The following CFHR5 variants were observed in gnomAD, a reference collection of about 807,000 sequenced individuals.
The protein encoded by CFHR5 is complement factor H related 5.
A neutral mutation model predicts 62.9 loss-of-function variants in CFHR5; 73 were observed. The observed-to-expected ratio is 1.16, with a 90% CI of 0.96 to 1.41. CFHR5 has a LOEUF of 1.41. Among genes scored for constraint, CFHR5 ranks in the 40% most tolerant of loss-of-function variants. The probability of loss-of-function intolerance (pLI) is 0.00; values close to 1 mark genes in which losing one functional copy is unlikely to be tolerated. For synonymous variants in CFHR5, 249 were observed against 227.2 expected, an observed-to-expected ratio of 1.10 and a Z score of -0.86; for missense variants, 779 against 679.9, an observed-to-expected ratio of 1.15 and a Z score of -1.62.
intron 1 of CFHR5, among the ~76,000 whole-genome samples, chr1:196,980,222 C>T (rs1014153337): frequency 9.9e-5 from 15 of 151,960 alleles, no homozygotes; most frequent in African/African-American, 3.4e-4. Context: ...CTGAAGGACC[C>T]GCCTGAGGAT....
At chr1:196,999,740 T>C (rs12736097) in intron 7 of CFHR5, among the ~76,000 whole-genome samples, 80 of 80,014 alleles carry the variant, frequency 1.0e-3, no homozygotes, top group South Asian at 1.8e-3. Flanking sequence ...CACACATATA[T>C]ATACACACAC....
intron 7 of CFHR5, among the ~76,000 whole-genome samples, chr1:197,002,163 G>GA (rs757582519): frequency 6.6e-6 from 1 of 151,660 alleles, no homozygotes; most frequent in Non-Finnish European, 1.5e-5. Context: ...GGGTTAGTTA[G>GA]AAAAAAATTA....
chr1:197,009,066 C>A lies in CFHR5; in HGVS notation c.*383C>A, dbSNP rs1259152266. The A allele has an allele frequency of 5.6e-5, 8 of 141,848 alleles. No individual in the cohort carries two copies. Among genetic ancestry groups the A allele is most frequent in the East Asian group, 1.9e-4 (1 of 5,232 alleles). 8.8% of individuals were successfully genotyped at this position (141,848 alleles called of 1,614,324 possible). On this transcript the variant is annotated 3_prime_UTR_variant, in exon 10 of 10. Transcript: ENST00000256785. Reference sequence around the variant, plus strand: ...CAACATGGTGGAAGGGATCACGTGGCAAAAGAGCATGTACATGGGAGTGAG... The same window carrying A: ...CAACATGGTGGAAGGGATCACGTGGAAAAAGAGCATGTACATGGGAGTGAG...
chr1:196,986,439 A>T (rs1368512569), intron 3 of CFHR5, among the ~76,000 whole-genome samples: 1 of 152,082 alleles, frequency 6.6e-6, no homozygotes, highest in East Asian at 1.9e-4. Flanking sequence ...TTACATAGGT[A>T]TACATGTGTC....
At chr1:197,008,006 A>C (rs1200654063) in intron 9 of CFHR5, among the ~76,000 whole-genome samples, 1 of 147,820 alleles carries the variant, frequency 6.8e-6, no homozygotes, top group East Asian at 1.9e-4. Flanking sequence ...GATATATATA[A>C]ATATATATAT....
chr1:196,988,820 C>T (rs997710740), intron 3 of CFHR5, among the ~76,000 whole-genome samples: 2 of 151,950 alleles, frequency 1.3e-5, no homozygotes, highest in African/African-American at 4.8e-5. Context: ...GGATATGGGT[C>T]TAAAATTCTC....
At chr1:197,002,407 C>G (rs1326753148) in intron 7 of CFHR5, 75 bp from the exon 8 acceptor site, 1 of 1,069,104 alleles carries the variant, frequency 9.4e-7, no homozygotes, top group Non-Finnish European at 1.4e-6. Flanking sequence ...CTTCCATTTT[C>G]CTGAAACACT....
rs1654362217 is a variant in CFHR5, at chr1:197,008,772, T to C, written c.*89T>C. ...GTAGCCAATTCTGTAGTTACTTCTT[T>C]TATTCTTTCAGGTGTTGTTTAACTC... On this transcript the variant is annotated 3_prime_UTR_variant, in exon 10 of 10. Coordinates refer to ENST00000256785, the MANE Select transcript of CFHR5 (RefSeq NM_030787.4). 1 of 1,079,020 alleles carries C rather than the reference T, an allele frequency of 9.3e-7. No individual in the cohort carries two copies. The highest frequency in any genetic ancestry group is 1.6e-5 in the African/African-American group (1 of 63,970). 66.8% of individuals were successfully genotyped at this position (1,079,020 alleles called of 1,614,324 possible). A position where few individuals can be genotyped will look rare whatever the true frequency, so the allele number is the denominator to read the frequency against.
At chr1:196,985,980 G>A (rs1448088962) in intron 3 of CFHR5, among the ~76,000 whole-genome samples, 2 of 152,128 alleles carry the variant, frequency 1.3e-5, no homozygotes, top group African/African-American at 4.8e-5. Flanking sequence ...CAAGTTCTCA[G>A]AATATTGCTG....
intron 3 of CFHR5, among the ~76,000 whole-genome samples, chr1:196,992,388 A>G (rs545054709): frequency 2.0e-5 from 3 of 152,050 alleles, no homozygotes; most frequent in African/African-American, 7.2e-5. Flanking sequence ...GGAAAAGTGC[A>G]GTATTTGTGT....
intron 3 of CFHR5, among the ~76,000 whole-genome samples, chr1:196,989,440 T>C (rs564218387): frequency 6.6e-6 from 1 of 152,308 alleles, no homozygotes; most frequent in East Asian, 1.9e-4. Flanking sequence ...CTTGCTTCTC[T>C]AGTTCTTTCA....
intron 9 of CFHR5, among the ~76,000 whole-genome samples, chr1:197,007,832 G>A (rs985269702): frequency 5.5e-5 from 8 of 145,174 alleles, no homozygotes; most frequent in Non-Finnish European, 7.5e-5. Context: ...ATAATATACC[G>A]ATATATATTT....
At position 196,998,127 on chromosome 1, in the gene CFHR5, G is replaced by A; in HGVS notation, c.971-1G>A. ...TTTCTATTTAATATTATTTTTTATAGCAACACACCAACTTAAGAGGTGCAA... is the reference window on the plus strand; with the variant it reads ...TTTCTATTTAATATTATTTTTTATAACAACACACCAACTTAAGAGGTGCAA... On this transcript the variant is annotated splice_acceptor_variant, in intron 6 of 9. Transcript: ENST00000256785. LOFTEE classifies it high-confidence loss of function. 1 of 1,512,038 alleles carries A rather than the reference G, an allele frequency of 6.6e-7. No individual in the cohort carries two copies. Among genetic ancestry groups the A allele is most frequent in the Non-Finnish European group, 9.0e-7 (1 of 1,114,228 alleles). 93.7% of individuals were successfully genotyped at this position (1,512,038 alleles called of 1,614,324 possible). A position where few individuals can be genotyped will look rare whatever the true frequency, so the allele number is the denominator to read the frequency against.
At chr1:196,994,374 G>A in intron 4 of CFHR5, 118 bp downstream of exon 4, 3 of 828,936 alleles carry the variant, frequency 3.6e-6, no homozygotes, top group Admixed American at 2.1e-5. Flanking sequence ...AATGGCAAAG[G>A]AGAAAGGATG....
intron 7 of CFHR5, 61 bp from the exon 8 acceptor site, chr1:197,002,421 C>T (rs768774984): frequency 2.9e-5 from 36 of 1,253,268 alleles, no homozygotes; most frequent in South Asian, 1.2e-5. Context: ...AAACACTACC[C>T]TATTGAGCTG....
At chr1:197,001,703 TC>T (rs1049986235) in intron 7 of CFHR5, among the ~76,000 whole-genome samples, 1 of 36,656 alleles carries the variant, frequency 2.7e-5, no homozygotes. Context: ...CCCTCCCCCC[TC>T]CCCCCACCCC....
intron 6 of CFHR5, 31 bp downstream of exon 6, chr1:196,996,232 AT>A: frequency 6.6e-7 from 1 of 1,514,694 alleles, no homozygotes; most frequent in Non-Finnish European, 9.2e-7. Context: ...TTTATATTTG[AT>A]TATTTATCAT....
chr1:196,988,022 G>C (rs1279977167), intron 3 of CFHR5, among the ~76,000 whole-genome samples: 1 of 152,076 alleles, frequency 6.6e-6, no homozygotes. Context: ...TCTTCCATTT[G>C]TTTGTGTCCT....
intron 9 of CFHR5, among the ~76,000 whole-genome samples, chr1:197,005,553 A>G (rs745625913): frequency 6.6e-6 from 1 of 152,176 alleles, no homozygotes; most frequent in Non-Finnish European, 1.5e-5. Context: ...ATGACAAACT[A>G]AAAGGGACAA....
Sources: gnomAD v4.1 joint callset for allele counts (sites outside exome capture counted in the v4.1 genomes callset) on GRCh38, gnomAD v4.1.1 for gene constraint, MANE v1.5 for transcripts, NCBI Gene and HGNC (gene_info 2026-07-23, HGNC 2026-07-21) for gene names.